TNIP3: variants seen among roughly 807,000 people sequenced by gnomAD.
The protein encoded by TNIP3 is TNFAIP3-interacting protein 3.
Under a neutral mutation model 54.1 loss-of-function variants are expected in TNIP3, and 34 were observed. The observed-to-expected ratio is 0.63, with a 90% CI of 0.48 to 0.84. TNIP3 has a LOEUF of 0.84. TNIP3 is among the 40% of genes least tolerant of loss of function. The probability of loss-of-function intolerance (pLI) is 0.00; values close to 1 mark genes in which losing one functional copy is unlikely to be tolerated. For missense variants in TNIP3, 366 were observed against 387.6 expected, an observed-to-expected ratio of 0.94 and a Z score of 0.47; for synonymous variants, 134 against 136.8, an observed-to-expected ratio of 0.98 and a Z score of 0.14.
At chr4:121,141,678 T>G (rs758020233) in intron 9 of TNIP3, 138 bp downstream of exon 9, 2 of 488,256 alleles carry the variant, frequency 4.1e-6, no homozygotes, top group Non-Finnish European at 7.0e-6. Flanking sequence ...CATTGACCAC[T>G]CCAACTTTGC....
intron 5 of TNIP3, among the ~76,000 whole-genome samples, chr4:121,151,494 C>T (rs1286186551): frequency 1.3e-5 from 2 of 151,986 alleles, no homozygotes; most frequent in African/African-American, 4.8e-5. Flanking sequence ...GAGCTTTTTT[C>T]ATCCTTCAGG....
intron 3 of TNIP3, among the ~76,000 whole-genome samples, chr4:121,157,904 A>C (rs1447777187): frequency 1.3e-5 from 2 of 152,212 alleles, no homozygotes; most frequent in African/African-American, 2.4e-5. Context: ...GGATTGCCCC[A>C]GCAGGGATAT....
chr4:121,164,505 A>T (rs995965031), upstream of TNIP3, among the ~76,000 whole-genome samples: 3 of 152,216 alleles, frequency 2.0e-5, no homozygotes, highest in African/African-American at 7.2e-5. Flanking sequence ...GTTCTCCACC[A>T]CAGAAAGCCT....
At chr4:121,184,713 A>G (rs1265421347) in intron 2 of TNIP3, among the ~76,000 whole-genome samples, 1 of 152,118 alleles carries the variant, frequency 6.6e-6, no homozygotes, top group East Asian at 1.9e-4. Context: ...ATGCACCTTG[A>G]CTTTCATATT....
At chr4:121,142,843 T>C in intron 7 of TNIP3, 67 bp from the exon 8 acceptor site, 1 of 1,409,790 alleles carries the variant, frequency 7.1e-7, no homozygotes, top group South Asian at 1.2e-5. Context: ...AAGCCACTCT[T>C]GACCTACTCA....
chr4:121,143,380 C>A (rs1021591666), intron 7 of TNIP3, among the ~76,000 whole-genome samples: 1 of 152,188 alleles, frequency 6.6e-6, no homozygotes, highest in Non-Finnish European at 1.5e-5. Flanking sequence ...AGAAAGCTGG[C>A]TTTTCCTTGA....
In TNIP3 at chr4:121,144,697, C is replaced by T. The variant is rs146834511; in HGVS notation, c.736-1921G>A. 2.6e-3 allele frequency among the ~76,000 whole-genome samples: 397 copies of T among 152,330 alleles called. 2 individuals are homozygous for T. Among genetic ancestry groups the T allele is most frequent in the South Asian group, 0.012 (57 of 4,828 alleles). On this transcript the variant is annotated intron_variant, in intron 7 of 10. Coordinates refer to ENST00000057513, the MANE Select transcript of TNIP3 (RefSeq NM_024873.6). ...GATTACAGGCATGAGTCACCGCACC[C>T]GGCCTGTTTTTGCTTTTTTCACTTA...
chr4:121,157,636 A>G (rs1410216829), intron 3 of TNIP3, among the ~76,000 whole-genome samples: 1 of 152,194 alleles, frequency 6.6e-6, no homozygotes, highest in Non-Finnish European at 1.5e-5. Context: ...TGCCTACACC[A>G]GAGAAAAACA....
chr4:121,207,770 C>T (rs1245772043), intron 2 of TNIP3, among the ~76,000 whole-genome samples: 1 of 152,162 alleles, frequency 6.6e-6, no homozygotes, highest in African/African-American at 2.4e-5. Context: ...TGGATGTAGG[C>T]CAAACTAACT....
upstream of TNIP3, among the ~76,000 whole-genome samples, chr4:121,218,421 T>G (rs954722726): frequency 1.3e-5 from 2 of 152,202 alleles, no homozygotes; most frequent in Non-Finnish European, 2.9e-5. Context: ...AATTTTACAT[T>G]TGTTATTATT....
chr4:121,165,382 C>T (rs183197372), upstream of TNIP3, among the ~76,000 whole-genome samples: 7 of 152,022 alleles, frequency 4.6e-5, no homozygotes, highest in Admixed American at 4.6e-4. Flanking sequence ...CAGATGTCTC[C>T]TCTCTGGGCC....
At chr4:121,210,816 T>C (rs1161459972) in intron 2 of TNIP3, among the ~76,000 whole-genome samples, 1 of 152,170 alleles carries the variant, frequency 6.6e-6, no homozygotes, top group Non-Finnish European at 1.5e-5. Flanking sequence ...CTAAGGGCCC[T>C]ATCTCCAAAT....
At chr4:121,174,709 A>G (rs1048797687) in intron 3 of TNIP3, among the ~76,000 whole-genome samples, 1 of 151,500 alleles carries the variant, frequency 6.6e-6, no homozygotes, top group South Asian at 2.1e-4. Flanking sequence ...TTTTTTTGCT[A>G]CTTATTCTAG....
At chr4:121,199,106 C>A (rs528415323) in intron 2 of TNIP3, among the ~76,000 whole-genome samples, 1 of 152,174 alleles carries the variant, frequency 6.6e-6, no homozygotes, top group African/African-American at 2.4e-5. Context: ...CATGGCAGGT[C>A]CAGCTGAAAG....
At chr4:121,166,753 A>G (rs1218346104), upstream of TNIP3, among the ~76,000 whole-genome samples, 4 of 152,224 alleles carry the variant, frequency 2.6e-5, no homozygotes, top group East Asian at 7.7e-4. Context: ...AGGTAAAAGA[A>G]ACATGCCTTT....
intron 10 of TNIP3, among the ~76,000 whole-genome samples, chr4:121,134,602 A>T (rs1402843315): frequency 3.3e-5 from 5 of 152,216 alleles, no homozygotes; most frequent in Admixed American, 1.3e-4. Flanking sequence ...TTCATTTAAA[A>T]TCTTTAGTTT....
intron 1 of TNIP3, among the ~76,000 whole-genome samples, chr4:121,224,479 A>G (rs1406355333): frequency 6.6e-6 from 1 of 152,202 alleles, no homozygotes; most frequent in Non-Finnish European, 1.5e-5. Flanking sequence ...AAAGCTCAAG[A>G]TCCTCTCAGA....
intron 2 of TNIP3, among the ~76,000 whole-genome samples, chr4:121,212,430 A>G (rs1726522860): frequency 6.6e-6 from 1 of 152,224 alleles, no homozygotes; most frequent in Non-Finnish European, 1.5e-5. Flanking sequence ...GTGGAAAGAG[A>G]AGAAACTTAG....
At chr4:121,167,168 A>G (rs1427379993), upstream of TNIP3, among the ~76,000 whole-genome samples, 2 of 152,176 alleles carry the variant, frequency 1.3e-5, no homozygotes, top group African/African-American at 4.8e-5. Flanking sequence ...CCTGTACTTG[A>G]CATTGTGTGG....
Sources: gnomAD v4.1 joint callset for allele counts (sites outside exome capture counted in the v4.1 genomes callset) on GRCh38, gnomAD v4.1.1 for gene constraint, MANE v1.5 for transcripts, NCBI Gene and HGNC (gene_info 2026-07-23, HGNC 2026-07-21) for gene names.